KAZN: variants seen among roughly 807,000 people sequenced by gnomAD.
The protein encoded by KAZN is kazrin.
Under a neutral mutation model 87.4 loss-of-function variants are expected in KAZN, and 40 were observed. The ratio of observed to expected loss-of-function variants is 0.46; its 90% confidence interval spans 0.36 to 0.60. KAZN has a LOEUF of 0.60. Among genes scored for constraint, KAZN ranks in the 20% least tolerant of loss-of-function variants. KAZN has a pLI of 0.00. For missense variants in KAZN, 898 were observed against 1,073.9 expected, an observed-to-expected ratio of 0.84 and a Z score of 2.29; for synonymous variants, 466 against 458.3, an observed-to-expected ratio of 1.02 and a Z score of -0.22.
chr1:14,028,161 CT>C (rs1489394611), intron 1 of KAZN, among the ~76,000 whole-genome samples: 4 of 150,796 alleles, frequency 2.7e-5, no homozygotes, highest in Admixed American at 6.7e-5. Context: ...TTTCTTCAAG[CT>C]TTGGGGTGCA....
At chr1:15,025,529 T>C (rs1264828947) in intron 2 of KAZN, among the ~76,000 whole-genome samples, 1 of 152,190 alleles carries the variant, frequency 6.6e-6, no homozygotes, top group Non-Finnish European at 1.5e-5. Flanking sequence ...ATGGCAGACA[T>C]CCCTAATCAA....
At chr1:15,098,613 G>A (rs1184542269) in intron 10 of KAZN, among the ~76,000 whole-genome samples, 2 of 152,256 alleles carry the variant, frequency 1.3e-5, no homozygotes, top group African/African-American at 4.8e-5. Flanking sequence ...ATCTGATTCA[G>A]AGGGCTGTGG....
rs547868520 is a variant in KAZN at position 14,109,910 on chromosome 1, AT to A, written c.92-70518del. On this transcript the variant is annotated intron_variant, in intron 1 of 16. Coordinates refer to the KAZN transcript ENST00000636203. ...AAATCTGTTCTAAAAGGATGGAGGC[AT>A]TTTTTTCCCCTACCATTTCTCTATA... Among the ~76,000 whole-genome samples the A allele has an allele frequency of 2.3e-4, 24 of 102,494 alleles. 7 individuals are homozygous for A. Among genetic ancestry groups the A allele is most frequent in the Non-Finnish European group, 3.7e-4 (18 of 49,106 alleles). 67.2% of individuals were successfully genotyped at this position (102,494 alleles called of 152,430 possible). A position where few individuals can be genotyped will look rare whatever the true frequency, so the allele number is the denominator to read the frequency against.
chr1:14,975,846 A>G (rs909746727), intron 2 of KAZN, among the ~76,000 whole-genome samples: 2 of 152,120 alleles, frequency 1.3e-5, no homozygotes, highest in Non-Finnish European at 2.9e-5. Flanking sequence ...CCTGGCTAAC[A>G]CGGTGAAACC....
At chr1:13,958,128 G>A (rs1259179781) in intron 1 of KAZN, among the ~76,000 whole-genome samples, 1 of 152,186 alleles carries the variant, frequency 6.6e-6, no homozygotes, top group Admixed American at 6.5e-5. Flanking sequence ...GTACACAACA[G>A]GGAACACCAA....
At chr1:14,012,104 G>T (rs1182805349) in intron 1 of KAZN, among the ~76,000 whole-genome samples, 3 of 152,172 alleles carry the variant, frequency 2.0e-5, no homozygotes, top group South Asian at 2.1e-4. Context: ...GTAAGTGAGA[G>T]ACCTGACTGT....
chr1:14,898,175 G>T (rs1312072266), intron 1 of KAZN, among the ~76,000 whole-genome samples: 4 of 152,092 alleles, frequency 2.6e-5, no homozygotes, highest in Non-Finnish European at 5.9e-5. Context: ...TTTCCCCAAG[G>T]TTCCTTCCAC....
At chr1:14,130,034 A>C (rs1644958845) in intron 1 of KAZN, among the ~76,000 whole-genome samples, 1 of 152,252 alleles carries the variant, frequency 6.6e-6, no homozygotes, top group Non-Finnish European at 1.5e-5. Context: ...AAAAATGAAT[A>C]AGATTCAGAA....
intron 2 of KAZN, among the ~76,000 whole-genome samples, chr1:14,310,534 TA>T (rs1411673528): frequency 6.6e-6 from 1 of 152,196 alleles, no homozygotes; most frequent in East Asian, 1.9e-4. Flanking sequence ...CACTGATTTT[TA>T]AAATGGTCTC....
At chr1:14,531,389 G>A (rs569595779) in intron 2 of KAZN, among the ~76,000 whole-genome samples, 14 of 152,310 alleles carry the variant, frequency 9.2e-5, no homozygotes, top group Middle Eastern at 3.4e-3. Flanking sequence ...TCACTTCTAT[G>A]CAGATTGATC....
At chr1:14,286,360 C>T (rs933145816) in intron 2 of KAZN, among the ~76,000 whole-genome samples, 2 of 152,352 alleles carry the variant, frequency 1.3e-5, no homozygotes, top group African/African-American at 2.4e-5. Flanking sequence ...TCTTTAAAGA[C>T]CTTATCTCCA....
intron 1 of KAZN, among the ~76,000 whole-genome samples, chr1:14,147,579 G>A (rs1203890866): frequency 2.0e-5 from 3 of 151,906 alleles, no homozygotes; most frequent in Non-Finnish European, 2.9e-5. Flanking sequence ...GGATTACAAG[G>A]TCAAGAGATC....
rs191559005 is a variant in KAZN at position 14,203,252 on chromosome 1, C to A, written c.249+22660C>A. Among the ~76,000 whole-genome samples the A allele has an allele frequency of 3.1e-3, 478 of 152,018 alleles. 4 individuals carry two copies. In the South Asian group the frequency reaches 0.035, roughly 11 times the overall value. ...AAGAGTGGAGTGCGAGAGGAAATAT[C>A]CAGTGTCTGCATACAGTAGGGGATC... On this transcript the variant is annotated intron_variant, in intron 2 of 16. Transcript: ENST00000636203.
intron 1 of KAZN, among the ~76,000 whole-genome samples, chr1:13,899,578 G>C (rs943693913): frequency 6.6e-6 from 1 of 151,160 alleles, no homozygotes; most frequent in Non-Finnish European, 1.5e-5. Flanking sequence ...TGTGATTTCT[G>C]TTCATTGATG....
At chr1:14,293,750 C>T (rs1653900194) in intron 2 of KAZN, among the ~76,000 whole-genome samples, 1 of 152,122 alleles carries the variant, frequency 6.6e-6, no homozygotes, top group Non-Finnish European at 1.5e-5. Flanking sequence ...AATATCTTCT[C>T]TCAACCCCTG....
chr1:14,470,518 G>A (rs1277791539), intron 2 of KAZN, among the ~76,000 whole-genome samples: 1 of 152,188 alleles, frequency 6.6e-6, no homozygotes, highest in Non-Finnish European at 1.5e-5. Flanking sequence ...GGGACAAAAT[G>A]TTGCACTAAG....
intron 1 of KAZN, among the ~76,000 whole-genome samples, chr1:14,166,476 G>C (rs550023480): frequency 6.7e-4 from 102 of 152,208 alleles, no homozygotes; most frequent in Non-Finnish European, 1.2e-3. Context: ...TATGAAATGC[G>C]GGTGATCAGA....
At chr1:14,977,133 C>T (rs149393981) in intron 2 of KAZN, among the ~76,000 whole-genome samples, 2,198 of 152,288 alleles carry the variant, frequency 0.014, 51 homozygotes, top group African/African-American at 0.05. Flanking sequence ...ATGGAGTCCT[C>T]GGGGCGGTGA....
At chr1:14,190,533 G>A (rs759256561) in intron 2 of KAZN, among the ~76,000 whole-genome samples, 1 of 152,110 alleles carries the variant, frequency 6.6e-6, no homozygotes. Context: ...CTCTATAAGA[G>A]GCATTTACTT....
Sources: allele counts gnomAD v4.1 joint callset (sites outside exome capture counted in the v4.1 genomes callset), GRCh38; gene constraint gnomAD v4.1.1; transcripts MANE v1.5; gene names NCBI Gene and HGNC (gene_info 2026-07-23, HGNC 2026-07-21).